The following LRRC17 variants were observed in gnomAD, a reference collection of about 807,000 sequenced individuals.
LRRC17 encodes the protein leucine rich repeat containing 17.
In LRRC17, 33 loss-of-function variants were observed where a neutral mutation model predicts 41.5. That is an observed-to-expected ratio of 0.80 (90% confidence interval 0.60 to 1.06). The LOEUF (loss-of-function observed/expected upper bound fraction) is 1.06. Among genes scored for constraint, LRRC17 ranks in the 50% least tolerant of loss-of-function variants. The probability of loss-of-function intolerance (pLI) is 0.00; values close to 1 mark genes in which losing one functional copy is unlikely to be tolerated. For missense variants in LRRC17, 491 were observed against 519.3 expected (o/e 0.95, Z 0.53); for synonymous variants, 192 against 197.0 (o/e 0.97, Z 0.21).
At chr7:102,944,159 A>T in intron 3 of LRRC17, 51 bp from the exon 4 acceptor site, 1 of 1,447,892 alleles carries the variant, frequency 6.9e-7, no homozygotes, top group Non-Finnish European at 9.4e-7. Context: ...CATATGCCAT[A>T]CACTGTATTA....
intron 3 of LRRC17, among the ~76,000 whole-genome samples, chr7:102,942,512 A>G (rs964134935): frequency 6.6e-6 from 1 of 152,226 alleles, no homozygotes; most frequent in African/African-American, 2.4e-5. Flanking sequence ...CTGAATATAT[A>G]TGGTTTAAAT....
chr7:102,930,836 A>G (rs1277808957), intron 1 of LRRC17, among the ~76,000 whole-genome samples: 2 of 152,230 alleles, frequency 1.3e-5, no homozygotes, highest in South Asian at 2.1e-4. Context: ...TGGAATCTCA[A>G]TTCTAGTCAA....
chr7:102,917,657 G>A (rs914099997), intron 1 of LRRC17, among the ~76,000 whole-genome samples: 2 of 152,136 alleles, frequency 1.3e-5, no homozygotes, highest in Non-Finnish European at 2.9e-5. Context: ...AAGTTTGGTT[G>A]GAGAATGTCA....
At chr7:102,936,249 T>C (rs1014245276) in intron 2 of LRRC17, 1 of 152,180 alleles carries the variant, frequency 6.6e-6, no homozygotes, top group Non-Finnish European at 1.5e-5. Context: ...TCCAGGAAGA[T>C]AGTAACATTC....
chr7:102,924,937 C>T (rs1421153137), intron 1 of LRRC17, among the ~76,000 whole-genome samples: 2 of 152,018 alleles, frequency 1.3e-5, no homozygotes, highest in East Asian at 3.9e-4. Flanking sequence ...CCTGTGTAAG[C>T]TTTTCTAAAT....
intron 1 of LRRC17, among the ~76,000 whole-genome samples, chr7:102,917,036 A>G (rs1816032150): frequency 6.6e-6 from 1 of 152,238 alleles, no homozygotes; most frequent in African/African-American, 2.4e-5. Flanking sequence ...AAAATCACCA[A>G]GACAAGGCCT....
In LRRC17 at chr7:102,942,894, A is replaced by G. The variant is rs535994509; in HGVS notation, c.929-1316A>G. The stretch of plus-strand genomic sequence containing the variant: ...AGATAATGTTTGAAATAGAAACAAA[A>G]TATTTGTGAGTATTTCTGGAGTATC... On this transcript the variant is annotated intron_variant, in intron 3 of 3. Transcript: ENST00000339431. Among the ~76,000 whole-genome samples the G allele has an allele frequency of 2.0e-4, 30 of 152,340 alleles. No homozygotes were observed. The East Asian group carries it at 3.9e-3, about 20-fold the overall frequency.
chr7:102,929,932 T>A (rs572778559), intron 1 of LRRC17, among the ~76,000 whole-genome samples: 1 of 152,040 alleles, frequency 6.6e-6, no homozygotes, highest in South Asian at 2.1e-4. Context: ...TAAAGCTGTT[T>A]ATTAAAGGTC....
intron 1 of LRRC17, among the ~76,000 whole-genome samples, chr7:102,927,663 T>C (rs935092514): frequency 3.3e-5 from 5 of 152,216 alleles, no homozygotes; most frequent in African/African-American, 1.2e-4. Flanking sequence ...GGGAAGGTTC[T>C]ATGCACCCAT....
chr7:102,943,414 G>C (rs1821850557), intron 3 of LRRC17, among the ~76,000 whole-genome samples: 1 of 150,772 alleles, frequency 6.6e-6, no homozygotes, highest in Admixed American at 6.6e-5. Flanking sequence ...AACTAATCAA[G>C]GGAAAAGCTT....
chr7:102,931,199 G>C (rs1010387965), intron 1 of LRRC17, among the ~76,000 whole-genome samples: 2 of 152,200 alleles, frequency 1.3e-5, no homozygotes, highest in Admixed American at 1.3e-4. Flanking sequence ...GAGCAACTTG[G>C]AGCATGCAGG....
intron 1 of LRRC17, among the ~76,000 whole-genome samples, chr7:102,915,718 A>C (rs1815712046): frequency 7.5e-6 from 1 of 133,124 alleles, no homozygotes; most frequent in Admixed American, 7.1e-5. Flanking sequence ...ATTGAAATAC[A>C]TAATTACCAA....
At chr7:102,922,921 T>C (rs984910584) in intron 1 of LRRC17, among the ~76,000 whole-genome samples, 2 of 151,936 alleles carry the variant, frequency 1.3e-5, no homozygotes, top group Non-Finnish European at 2.9e-5. Context: ...GAGCTTGCAG[T>C]GAGCTGAGAT....
At chr7:102,936,471 A>G (rs1820332081) in intron 2 of LRRC17, 3 of 152,230 alleles carry the variant, frequency 2.0e-5, no homozygotes, top group Admixed American at 2.0e-4. Flanking sequence ...AATTTCAAAG[A>G]GTAAGTAAAT....
At position 102,926,125 on chromosome 7, in the gene LRRC17, T is replaced by C. The variant is rs1818083853; in HGVS notation, c.-140-7649T>C. On this transcript the variant is annotated intron_variant, in intron 1 of 3. Coordinates refer to ENST00000339431, the MANE Select transcript of LRRC17 (RefSeq NM_001031692.3). ...CCAGTTCAGGCACCAGCTTAGGGAC[T>C]TGAAAGCAGCAGACCCCTTATCAGA... 16 of 641,350 alleles carry C rather than the reference T, an allele frequency of 2.5e-5. No individual in the cohort carries two copies. In the South Asian group the frequency reaches 3.0e-4, roughly 12 times the overall value. 39.7% of individuals were successfully genotyped at this position (641,350 alleles called of 1,614,324 possible). A position where few individuals can be genotyped will look rare whatever the true frequency, so the allele number is the denominator to read the frequency against.
chr7:102,916,758 ATCTTTT>A (rs1815952430), intron 1 of LRRC17, among the ~76,000 whole-genome samples: 1 of 148,020 alleles, frequency 6.8e-6, no homozygotes, highest in Admixed American at 6.7e-5. Flanking sequence ...GCTTGTTTTT[ATCTTTT>A]TCTAATTATT....
chr7:102,941,741 C>A (rs1339722563), intron 3 of LRRC17, among the ~76,000 whole-genome samples: 1 of 149,268 alleles, frequency 6.7e-6, no homozygotes. Flanking sequence ...AGTTTTAAAG[C>A]TGTCTCAAAA....
At chr7:102,942,838 T>C (rs567337629) in intron 3 of LRRC17, among the ~76,000 whole-genome samples, 2 of 152,346 alleles carry the variant, frequency 1.3e-5, no homozygotes, top group East Asian at 3.8e-4. Flanking sequence ...AAGGACGCTA[T>C]GCTCTACAAG....
At position 102,916,985 on chromosome 7, in the gene LRRC17, T is replaced by G. The variant is rs139878514; in HGVS notation, c.-141+3840T>G. On this transcript the variant is annotated intron_variant, in intron 1 of 3. Coordinates refer to ENST00000339431, the MANE Select transcript of LRRC17 (RefSeq NM_001031692.3). Reference sequence around the variant, plus strand: ...ACACCTGAAGGACTTACTACTAAGATGAATGGAAAAGTATGTATTTAAATA... The same window carrying G: ...ACACCTGAAGGACTTACTACTAAGAGGAATGGAAAAGTATGTATTTAAATA... 3.7e-3 allele frequency among the ~76,000 whole-genome samples: 566 copies of G among 152,086 alleles called. 5 individuals are homozygous for G. Among genetic ancestry groups the G allele is most frequent in the African/African-American group, 0.013 (559 of 41,478 alleles).
Sources: allele counts gnomAD v4.1 joint callset (sites outside exome capture counted in the v4.1 genomes callset), GRCh38; gene constraint gnomAD v4.1.1; transcripts MANE v1.5; gene names NCBI Gene and HGNC (gene_info 2026-07-23, HGNC 2026-07-21).